The following TRAK1 variants were observed in gnomAD, a reference collection of about 807,000 sequenced individuals.
The protein encoded by TRAK1 is trafficking kinesin-binding protein 1.
In TRAK1, 33 loss-of-function variants were observed where a neutral mutation model predicts 92.1. The ratio of observed to expected loss-of-function variants is 0.36; its 90% confidence interval spans 0.27 to 0.48. The LOEUF (loss-of-function observed/expected upper bound fraction) is 0.48, where lower values mean the gene tolerates loss of function less well. Ranked by LOEUF, TRAK1 falls within the 20% of genes least tolerant of loss-of-function variation. The pLI is 0.99. For synonymous variants in TRAK1, 521 were observed against 517.3 expected (o/e 1.01, Z -0.10); for missense variants, 1,123 against 1,257.9 (o/e 0.89, Z 1.62).
chr3:42,025,627 G>A (rs1701884618), intron 1 of TRAK1, among the ~76,000 whole-genome samples: 1 of 151,782 alleles, frequency 6.6e-6, no homozygotes, highest in African/African-American at 2.4e-5. Flanking sequence ...AATGAGAAGG[G>A]GTGGTTTCTG....
intron 1 of TRAK1, among the ~76,000 whole-genome samples, chr3:42,122,343 CTTTTT>C: frequency 7.0e-6 from 1 of 143,214 alleles, no homozygotes; most frequent in South Asian, 2.2e-4. Context: ...TTAGAAGGGA[CTTTTT>C]TTTTTTTTTC....
intron 10 of TRAK1, among the ~76,000 whole-genome samples, chr3:42,198,900 C>T (rs545629168): frequency 2.6e-5 from 4 of 152,206 alleles, no homozygotes; most frequent in African/African-American, 7.2e-5. Context: ...GTTTGGCCAA[C>T]GGAGCATAGG....
intron 14 of TRAK1, chr3:42,210,260 A>AT (rs1157967980): frequency 6.6e-7 from 1 of 1,522,202 alleles, no homozygotes; most frequent in African/African-American, 1.4e-5. Flanking sequence ...GTGGGTGATG[A>AT]TTAAAGCATT....
chr3:42,215,735 T>A (rs1709607838), intron 14 of TRAK1, among the ~76,000 whole-genome samples: 1 of 152,208 alleles, frequency 6.6e-6, no homozygotes, highest in African/African-American at 2.4e-5. Flanking sequence ...TTGAGATGCT[T>A]TTGTAAATTT....
At chr3:42,102,130 C>T (rs1211886046) in intron 1 of TRAK1, among the ~76,000 whole-genome samples, 33 of 152,280 alleles carry the variant, frequency 2.2e-4, no homozygotes, top group Non-Finnish European at 2.9e-5. Context: ...GGATTACAGG[C>T]GCACACCACC....
chr3:42,200,711 C>T (rs919109683), intron 11 of TRAK1, 107 bp from the exon 12 acceptor site: 6 of 1,109,574 alleles, frequency 5.4e-6, no homozygotes, highest in East Asian at 2.4e-5. Context: ...CTGGGGGACT[C>T]GTCATAGGCC....
intron 1 of TRAK1, among the ~76,000 whole-genome samples, chr3:42,074,148 T>C (rs1704050945): frequency 1.3e-5 from 2 of 152,198 alleles, no homozygotes; most frequent in Admixed American, 6.5e-5. Flanking sequence ...AGCAGTGTCT[T>C]TGGATCCATT....
intron 14 of TRAK1, chr3:42,211,680 A>G (rs1006612159): frequency 1.5e-5 from 15 of 985,214 alleles, no homozygotes; most frequent in Middle Eastern, 5.2e-4. Flanking sequence ...GTACAGAAGG[A>G]CTAAAGCTTA....
chr3:42,219,641 A>G (rs757716940), intron 15 of TRAK1, 45 bp downstream of exon 15: 1 of 1,597,578 alleles, frequency 6.3e-7, no homozygotes, highest in Non-Finnish European at 8.6e-7. Flanking sequence ...GGGTGAAGTC[A>G]GGGCACTCCC....
At chr3:42,118,122 C>T (rs1269024740) in intron 1 of TRAK1, among the ~76,000 whole-genome samples, 2 of 151,810 alleles carry the variant, frequency 1.3e-5, no homozygotes, top group South Asian at 2.1e-4. Flanking sequence ...TTCACTCTGT[C>T]GCCCAGGCTG....
At chr3:42,150,182 G>A (rs553804545) in intron 2 of TRAK1, among the ~76,000 whole-genome samples, 17 of 152,210 alleles carry the variant, frequency 1.1e-4, no homozygotes, top group African/African-American at 3.9e-4. Flanking sequence ...GGGAGGTGAT[G>A]GGAGGGGCAG....
chr3:42,189,567 A>G (rs1034199097), intron 6 of TRAK1, among the ~76,000 whole-genome samples: 3 of 151,676 alleles, frequency 2.0e-5, no homozygotes, highest in South Asian at 2.1e-4. Context: ...GAGTCTCGCT[A>G]TGTCACCCAG....
At chr3:42,101,332 A>G (rs1405564745) in intron 1 of TRAK1, among the ~76,000 whole-genome samples, 2 of 152,256 alleles carry the variant, frequency 1.3e-5, no homozygotes, top group Non-Finnish European at 2.9e-5. Flanking sequence ...ATAGTGAACC[A>G]TAGCAAGAGT....
intron 1 of TRAK1, among the ~76,000 whole-genome samples, chr3:42,030,372 A>AATATATATATAT (rs1553701575): frequency 7.6e-6 from 1 of 132,318 alleles, no homozygotes; most frequent in African/African-American, 2.8e-5. Flanking sequence ...TAAAAAAAAA[A>AATATATATATAT]ATATATATAT....
intron 5 of TRAK1, 49 bp downstream of exon 5, chr3:42,188,194 C>T (rs766190227): frequency 8.9e-6 from 14 of 1,576,962 alleles, no homozygotes; most frequent in East Asian, 4.5e-5. Flanking sequence ...ACAGGCTGGC[C>T]GCTGTTGATG....
At chr3:42,049,638 A>G (rs908377046) in intron 1 of TRAK1, among the ~76,000 whole-genome samples, 1 of 151,398 alleles carries the variant, frequency 6.6e-6, no homozygotes, top group Non-Finnish European at 1.5e-5. Flanking sequence ...TTCATTCTCT[A>G]TTCTTAATTC....
intron 2 of TRAK1, among the ~76,000 whole-genome samples, chr3:42,141,142 ATATAT>A (rs1009117566): frequency 9.2e-5 from 14 of 152,308 alleles, no homozygotes; most frequent in Admixed American, 2.6e-4. Context: ...CATCTTTTTA[ATATAT>A]TATATAAATT....
chr3:42,151,559 A>G (rs1366422950), intron 2 of TRAK1: 1 of 297,552 alleles, frequency 3.4e-6, no homozygotes, highest in East Asian at 1.1e-4. Flanking sequence ...GACAGAATTT[A>G]CTGGGACCAC....
chr3:42,164,418 A>G (rs1701631080), intron 2 of TRAK1, among the ~76,000 whole-genome samples: 1 of 152,252 alleles, frequency 6.6e-6, no homozygotes, highest in Non-Finnish European at 1.5e-5. Flanking sequence ...TCTTTAAAAC[A>G]AACTTTCAGG....
Sources: gnomAD v4.1 joint callset for allele counts (sites outside exome capture counted in the v4.1 genomes callset) on GRCh38, gnomAD v4.1.1 for gene constraint, MANE v1.5 for transcripts, NCBI Gene and HGNC (gene_info 2026-07-23, HGNC 2026-07-21) for gene names.